The following TMTC4 variants were observed in gnomAD, a reference collection of about 807,000 sequenced individuals.
TMTC4 encodes the protein protein O-mannosyl-transferase TMTC4.
TMTC4 carries 65 observed loss-of-function variants against 86.0 expected under a neutral mutation model. That is an observed-to-expected ratio of 0.76 (90% CI 0.62 to 0.93). The LOEUF is 0.93. Ranked by LOEUF, TMTC4 falls within the 40% of genes least tolerant of loss-of-function variation. TMTC4 has a pLI of 0.00. For missense variants in TMTC4, 866 were observed against 948.1 expected, an observed-to-expected ratio of 0.91 and a Z score of 1.14; for synonymous variants, 379 against 382.5, an observed-to-expected ratio of 0.99 and a Z score of 0.11.
At chr13:100,669,668 C>T (rs1164625177) in intron 2 of TMTC4, among the ~76,000 whole-genome samples, 4 of 152,160 alleles carry the variant, frequency 2.6e-5, no homozygotes, top group African/African-American at 7.2e-5. Context: ...CCACCCCCTG[C>T]GGCCCTCTGC....
intron 1 of TMTC4, among the ~76,000 whole-genome samples, chr13:100,673,472 G>A (rs568504991): frequency 6.6e-6 from 1 of 152,192 alleles, no homozygotes; most frequent in African/African-American, 2.4e-5. Context: ...AGGTGACAGC[G>A]CCTCTGGGAA....
intron 5 of TMTC4, among the ~76,000 whole-genome samples, chr13:100,658,495 G>A (rs1301403577): frequency 1.3e-5 from 2 of 152,062 alleles, no homozygotes; most frequent in African/African-American, 4.8e-5. Flanking sequence ...ATCCAGACAA[G>A]CCTGTCCGAA....
At chr13:100,666,048 A>G in intron 3 of TMTC4, 2 of 456,688 alleles carry the variant, frequency 4.4e-6, no homozygotes, top group South Asian at 3.1e-5. Flanking sequence ...TTTGAACAGG[A>G]AATGAACACC....
At chr13:100,614,615 C>A (rs1878182121) in intron 15 of TMTC4, among the ~76,000 whole-genome samples, 185 bp from the exon 16 acceptor site, 1 of 151,844 alleles carries the variant, frequency 6.6e-6, no homozygotes, top group African/African-American at 2.4e-5. Context: ...AAAACAATAC[C>A]AATGAAGTAA....
intron 5 of TMTC4, among the ~76,000 whole-genome samples, chr13:100,662,140 T>A (rs1405515753): frequency 6.6e-6 from 1 of 151,046 alleles, no homozygotes; most frequent in Admixed American, 6.6e-5. Context: ...ATGTATTTGG[T>A]GTTGAACTGG....
intron 2 of TMTC4, 71 bp from the exon 3 acceptor site, chr13:100,668,865 A>C (rs1886725112): frequency 2.1e-6 from 3 of 1,409,526 alleles, no homozygotes; most frequent in Non-Finnish European, 3.0e-6. Flanking sequence ...GGGCACCGTG[A>C]GTAAGAGCTA....
At position 100,611,445 on chromosome 13, in the gene TMTC4, C is replaced by T. The variant is rs896990246; in HGVS notation, c.2064+953G>A. Among the ~76,000 whole-genome samples, 6 of 152,192 alleles carry T rather than the reference C, an allele frequency of 3.9e-5. 1 individual carries two copies. Among genetic ancestry groups the T allele is most frequent in the African/African-American group, 7.2e-5 (3 of 41,520 alleles). On this transcript the variant is annotated intron_variant, in intron 17 of 18. Coordinates refer to ENST00000342624, the MANE Select transcript of TMTC4 (RefSeq NM_032813.5). ...CTAAAAATACAAAACATTAGCCGGG[C>T]GTGGTGGCGGGCGCCTATAGTCCCA... is the stretch of plus-strand genomic sequence containing the variant.
intron 12 of TMTC4, 34 bp from the exon 13 acceptor site, chr13:100,626,184 C>T (rs752432079): frequency 1.2e-6 from 2 of 1,604,880 alleles, no homozygotes; most frequent in Non-Finnish European, 1.7e-6. Flanking sequence ...CATCAGCAGA[C>T]AGACTTCTTG....
intron 14 of TMTC4, 38 bp downstream of exon 14, chr13:100,625,747 T>A: frequency 6.2e-7 from 1 of 1,609,720 alleles, no homozygotes; most frequent in Non-Finnish European, 8.5e-7. Flanking sequence ...AGGAGCTCCT[T>A]TCTTTGTCAC....
chr13:100,662,854 TG>T, intron 5 of TMTC4, 109 bp downstream of exon 5: 2 of 1,155,892 alleles, frequency 1.7e-6, no homozygotes, highest in Non-Finnish European at 1.3e-6. Flanking sequence ...TCTCCAGCTC[TG>T]GAACCAAGAT....
At chr13:100,631,867 A>T (rs1192830444) in intron 12 of TMTC4, among the ~76,000 whole-genome samples, 1 of 152,218 alleles carries the variant, frequency 6.6e-6, no homozygotes, top group South Asian at 2.1e-4. Context: ...TAATTTTATG[A>T]CACTTCAATT....
At chr13:100,647,034 G>A (rs533336175) in intron 6 of TMTC4, among the ~76,000 whole-genome samples, 5 of 152,266 alleles carry the variant, frequency 3.3e-5, no homozygotes, top group African/African-American at 1.2e-4. Flanking sequence ...AGAGCACAGC[G>A]TCCAGCTTAC....
At chr13:100,628,633 C>T (rs1880895751) in intron 12 of TMTC4, among the ~76,000 whole-genome samples, 1 of 152,142 alleles carries the variant, frequency 6.6e-6, no homozygotes, top group Non-Finnish European at 1.5e-5. Flanking sequence ...AAAGGATTTT[C>T]AATGACTGAA....
chr13:100,652,804 G>A (rs1376645174), intron 6 of TMTC4, among the ~76,000 whole-genome samples: 2 of 152,208 alleles, frequency 1.3e-5, no homozygotes, highest in Non-Finnish European at 2.9e-5. Context: ...CTGAATCATG[G>A]AAGCTTTATT....
Position 100,605,136 on chromosome 13 carries a change from A to C in TMTC4, c.2141T>G (p.Leu714Arg). 6.2e-7 allele frequency: 1 copy of C among 1,609,834 alleles called. No homozygotes were observed. The highest frequency in any genetic ancestry group is 1.3e-5 in the African/African-American group (1 of 74,668). Residue 714 changes from leucine to arginine, a missense_variant, in exon 19 of 19, where the codon CTT becomes CGT. Physicochemically the swap from Leu to Arg is moderately radical, Grantham distance 102. Coordinates refer to ENST00000342624, the MANE Select transcript of TMTC4 (RefSeq NM_032813.5). The surrounding 1 kb of genome is among the most constrained non-coding windows in gnomAD (Gnocchi z 4.3). ...GTCTAGATGTCCCCAACGATGATAAAGCACAGCTGAAATAGCAGGAGATAA... is the reference window on the plus strand; with the variant it reads ...GTCTAGATGTCCCCAACGATGATAACGCACAGCTGAAATAGCAGGAGATAA... ...AASYHGNLAVLYHRWGHLDLA... is the reference protein window; with the variant it reads ...AASYHGNLAVRYHRWGHLDLA...
chr13:100,624,142 T>G lies in TMTC4; in HGVS notation c.1836+1393A>C, dbSNP rs1486645939. ...GAGATCTAGACCATCCTGGCTAACA[T>G]GGTGAAATCCCGTCTCTACTAAAAA... On this transcript the variant is annotated intron_variant, in intron 15 of 18. Coordinates refer to ENST00000342624, the MANE Select transcript of TMTC4 (RefSeq NM_032813.5). 4 of 160,422 alleles carry G rather than the reference T, an allele frequency of 2.5e-5. No homozygotes were observed. The Admixed American group carries it at 2.6e-4, about 10-fold the overall frequency. 9.9% of individuals were successfully genotyped at this position (160,422 alleles called of 1,614,324 possible).
At chr13:100,661,259 C>T (rs1196013784) in intron 5 of TMTC4, among the ~76,000 whole-genome samples, 1 of 152,120 alleles carries the variant, frequency 6.6e-6, no homozygotes, top group Admixed American at 6.5e-5. Context: ...GTTGCATTTA[C>T]CTGGAATGTG....
chr13:100,665,082 T>C (rs1453873862), intron 3 of TMTC4, among the ~76,000 whole-genome samples: 2 of 152,194 alleles, frequency 1.3e-5, no homozygotes, highest in East Asian at 3.8e-4. Context: ...AAAAAAACCT[T>C]AATTTTTCCA....
At chr13:100,671,919 C>G (rs1887155914) in intron 1 of TMTC4, among the ~76,000 whole-genome samples, 2 of 150,248 alleles carry the variant, frequency 1.3e-5, no homozygotes, top group African/African-American at 4.9e-5. Flanking sequence ...GAAAGCCAGG[C>G]AAAGTGATCA....
Sources: gnomAD v4.1 joint callset for allele counts (sites outside exome capture counted in the v4.1 genomes callset) on GRCh38, gnomAD v4.1.1 for gene constraint, Gnocchi (gnomAD v3.1) non-coding constraint, MANE v1.5 for transcripts, NCBI Gene and HGNC (gene_info 2026-07-23, HGNC 2026-07-21) for gene names.